TRPM8: variants seen among roughly 807,000 people sequenced by gnomAD.
TRPM8 encodes transient receptor potential cation channel subfamily M member 8.
TRPM8 carries 110 observed loss-of-function variants against 133.7 expected under a neutral mutation model. That is an observed-to-expected ratio of 0.82 (90% CI 0.70 to 0.96). TRPM8 has a LOEUF of 0.96. Among genes scored for constraint, TRPM8 ranks in the 40% least tolerant of loss-of-function variants. The pLI is 0.00. For synonymous variants in TRPM8, 535 were observed against 532.3 expected (o/e 1.01, Z -0.07); for missense variants, 1,291 against 1,379.5 (o/e 0.94, Z 1.02).
chr2:233,971,223 G>A (rs28902189), intron 17 of TRPM8, among the ~76,000 whole-genome samples: 13,425 of 152,172 alleles, frequency 0.088, 1,505 homozygotes, highest in East Asian at 0.39. Context: ...GTACAATGCC[G>A]TGTGCTATGA....
chr2:233,979,528 C>T lies in TRPM8; in HGVS notation c.2356-660C>T, dbSNP rs372276988. Among the ~76,000 whole-genome samples, 241 of 151,990 alleles carry T rather than the reference C, an allele frequency of 1.6e-3. 1 individual carries two copies. The Middle Eastern group carries it at 0.024, about 15-fold the overall frequency. On this transcript the variant is annotated intron_variant, in intron 17 of 25. Transcript: ENST00000324695. ...ATCCAGATGTGGTCTTCTCCTTTCC[C>T]TCTTCGGGAAAATGCGAAAAGAGAA...
At position 233,926,428 on chromosome 2, in the gene TRPM8, G is replaced by C. The variant is rs547476820; in HGVS notation, c.-5-105G>C. On this transcript the variant is annotated intron_variant, in intron 1 of 25. Transcript: ENST00000324695. Reference sequence around the variant, plus strand: ...GAATGGAGCATGGGACATTGCACGTGGCAAAGGGGAGAGGGTGGAGGGAAA... The same window carrying C: ...GAATGGAGCATGGGACATTGCACGTCGCAAAGGGGAGAGGGTGGAGGGAAA... 1.0e-4 allele frequency: 86 copies of C among 819,944 alleles called. No individual in the cohort carries two copies. In the African/African-American group the frequency reaches 1.3e-3, roughly 13 times the overall value. 50.8% of individuals were successfully genotyped at this position (819,944 alleles called of 1,614,324 possible).
chr2:233,954,101 A>G, intron 10 of TRPM8, 82 bp downstream of exon 10: 1 of 986,608 alleles, frequency 1.0e-6, no homozygotes, highest in Non-Finnish European at 1.5e-6. Flanking sequence ...CTTTTATAAA[A>G]CAGCTTTATT....
chr2:233,939,064 C>G lies in TRPM8; in HGVS notation c.415C>G (p.Leu139Val). ...LYELLTQHWH[L>V]KTPNLVISVT... ...CGAGCTGCTGACCCAGCACTGGCACCTGAAAACACCCAACCTGGTCATTTC... is the reference window on the plus strand; with the variant it reads ...CGAGCTGCTGACCCAGCACTGGCACGTGAAAACACCCAACCTGGTCATTTC... Residue 139 changes from leucine to valine, a missense_variant, in exon 5 of 26, where the codon CTG (leucine) becomes GTG (valine). Around this residue, in one of 2 missense-constraint regions of TRPM8, gnomAD observed 963 missense variants for 968.9 expected, o/e 0.99. Coordinates refer to ENST00000324695, the MANE Select transcript of TRPM8 (RefSeq NM_024080.5). 6.2e-7 allele frequency: 1 copy of G among 1,614,248 alleles called. No homozygotes were observed. Among genetic ancestry groups the G allele is most frequent in the Non-Finnish European group, 8.5e-7 (1 of 1,180,048 alleles).
At chr2:233,942,827 G>A (rs1392101073) in intron 6 of TRPM8, 79 bp downstream of exon 6, 1 of 1,571,726 alleles carries the variant, frequency 6.4e-7, no homozygotes, top group Admixed American at 1.7e-5. Flanking sequence ...TGAACCCTGG[G>A]GCTCTGTGAT....
chr2:233,926,585 C>T lies in TRPM8; in HGVS notation c.48C>T (p.Asp16=), dbSNP rs1449608747. 9.3e-6 allele frequency: 15 copies of T among 1,614,032 alleles called. No homozygotes were observed. Among genetic ancestry groups the T allele is most frequent in the Middle Eastern group, 3.3e-4 (2 of 6,084 alleles). ...TCAGCATGAGGAACAGAAGGAATGA[C>T]ACTCTGGACAGCACCCGGACCCTGT... The part of the protein sequence containing the change: ...ARLSMRNRRN[D]TLDSTRTLYS... Residue 16 remains aspartate (D), a synonymous_variant, in exon 2 of 26, where the codon GAC becomes GAT. Transcript: ENST00000324695.
At chr2:233,954,895 A>G (rs1435722553) in intron 10 of TRPM8, 8 of 399,628 alleles carry the variant, frequency 2.0e-5, no homozygotes, top group Non-Finnish European at 3.6e-5. Context: ...CTGCTAGGAT[A>G]TGCAATGGAA....
chr2:233,976,874 G>C (rs976892507), intron 17 of TRPM8, among the ~76,000 whole-genome samples: 1 of 152,084 alleles, frequency 6.6e-6, no homozygotes, highest in Non-Finnish European at 1.5e-5. Context: ...TGGGGTCACT[G>C]TTTCTCTTCT....
chr2:234,006,986 TC>T (rs1433952048), intron 23 of TRPM8, 34 bp downstream of exon 23: 3 of 1,535,646 alleles, frequency 2.0e-6, no homozygotes, highest in Non-Finnish European at 2.7e-6. Context: ...TTTGCAAGGC[TC>T]CCTCTGTAGA....
intron 22 of TRPM8, among the ~76,000 whole-genome samples, chr2:234,005,155 A>G (rs1017509830): frequency 2.6e-5 from 4 of 152,152 alleles, no homozygotes; most frequent in Admixed American, 1.3e-4. Context: ...AAGTCTTTGT[A>G]TATTGGCTGT....
chr2:233,965,346 A>G (rs1042408253), intron 14 of TRPM8, among the ~76,000 whole-genome samples: 12 of 152,046 alleles, frequency 7.9e-5, no homozygotes, highest in African/African-American at 2.7e-4. Context: ...TGCAGCTGAG[A>G]TTACTTATTG....
At chr2:234,014,784 CA>C (rs11422376) in intron 25 of TRPM8, 130 bp downstream of exon 25, 3,787 of 338,340 alleles carry the variant, frequency 0.011, no homozygotes, top group Middle Eastern at 0.016. Context: ...ATGCATTGTG[CA>C]AAAAAAAAAA....
chr2:233,974,830 C>G (rs1477594550), intron 17 of TRPM8, among the ~76,000 whole-genome samples: 1 of 152,006 alleles, frequency 6.6e-6, no homozygotes, highest in Non-Finnish European at 1.5e-5. Flanking sequence ...ACACTGGATT[C>G]ATAGCCTGGT....
intron 17 of TRPM8, among the ~76,000 whole-genome samples, chr2:233,973,525 G>A (rs1250106229): frequency 2.0e-5 from 3 of 152,214 alleles, no homozygotes; most frequent in Non-Finnish European, 4.4e-5. Flanking sequence ...CGTCGTACTG[G>A]ATCAGGGGTC....
intron 4 of TRPM8, among the ~76,000 whole-genome samples, chr2:233,938,460 C>T (rs935429307): frequency 9.8e-5 from 15 of 152,298 alleles, no homozygotes; most frequent in African/African-American, 2.9e-4. Context: ...GTTCTGACAA[C>T]GTGTGCCCAA....
rs1559542335 is a variant in TRPM8 at position 233,985,796 on chromosome 2, TC to T, written c.2875del (p.Leu959TrpfsTer67). The T allele has an allele frequency of 3.7e-6, 6 of 1,614,144 alleles. No homozygotes were observed. Among genetic ancestry groups the T allele is most frequent in the Non-Finnish European group, 4.2e-6 (5 of 1,180,016 alleles). Reference protein sequence around the residue: ...NLPRFPEWITIPLVCIYMLST... With the variant: ...NLPRFPEWITXPLVCIYMLST... ...CCCCGGTTCCCCGAGTGGATCACCA[TC>T]CCCCTGGTGTGCATCTACATGTTAT... On this transcript the variant is annotated frameshift_variant, in exon 21 of 26. Transcript: ENST00000324695. LOFTEE classifies it high-confidence loss of function.
chr2:233,917,726 T>C (rs551578888), intron 1 of TRPM8, among the ~76,000 whole-genome samples: 30 of 152,356 alleles, frequency 2.0e-4, no homozygotes, highest in African/African-American at 6.7e-4. Context: ...TTGAAGGAGT[T>C]AGAAACTCCC....
intron 6 of TRPM8, 133 bp from the exon 7 acceptor site, chr2:233,945,723 G>C: frequency 1.4e-6 from 1 of 711,940 alleles, no homozygotes; most frequent in South Asian, 2.1e-5. Flanking sequence ...GACCCCTCTG[G>C]ATTTAGGAAT....
chr2:234,002,207 G>A (rs1435852290), intron 22 of TRPM8, among the ~76,000 whole-genome samples: 3 of 151,948 alleles, frequency 2.0e-5, no homozygotes, highest in East Asian at 1.9e-4. Flanking sequence ...CTGAAATGGC[G>A]CCACAGAGCG....
Sources: allele counts gnomAD v4.1 joint callset (sites outside exome capture counted in the v4.1 genomes callset), GRCh38; gene constraint gnomAD v4.1.1; regional missense constraint gnomAD v4.1.1; transcripts MANE v1.5; gene names NCBI Gene and HGNC (gene_info 2026-07-23, HGNC 2026-07-21).